CC2D2B: variants seen among roughly 807,000 people sequenced by gnomAD.
CC2D2B encodes coiled-coil and C2 domain containing 2B.
CC2D2B carries 128 observed loss-of-function variants against 161.2 expected under a neutral mutation model. The ratio of observed to expected loss-of-function variants is 0.79; its 90% confidence interval spans 0.69 to 0.92. CC2D2B has a LOEUF of 0.92. Ranked by LOEUF, CC2D2B falls within the 40% of genes least tolerant of loss-of-function variation. CC2D2B has a pLI of 0.00. For synonymous variants in CC2D2B, 391 were observed against 449.8 expected (o/e 0.87, Z 1.65); for missense variants, 1,173 against 1,375.1 (o/e 0.85, Z 2.32).
chr10:95,950,748 C>T (rs1019339089), intron 10 of CC2D2B, among the ~76,000 whole-genome samples: 2 of 152,134 alleles, frequency 1.3e-5, no homozygotes, highest in African/African-American at 4.8e-5. Context: ...GCCACAAAGC[C>T]GTCTCAATAA....
At chr10:96,029,970 C>A (rs1444654815) in intron 34 of CC2D2B, among the ~76,000 whole-genome samples, 1 of 151,868 alleles carries the variant, frequency 6.6e-6, no homozygotes, top group East Asian at 1.9e-4. Context: ...GCCACCATGC[C>A]TGGCTAATTT....
chr10:95,953,765 T>C (rs887393484), intron 10 of CC2D2B, among the ~76,000 whole-genome samples: 2 of 152,120 alleles, frequency 1.3e-5, no homozygotes, highest in Admixed American at 6.6e-5. Flanking sequence ...ACCCTAGCCT[T>C]TTCTGTCCTT....
At position 96,009,899 on chromosome 10, in the gene CC2D2B, T is replaced by C; in HGVS notation, c.3021T>C (p.Phe1007=). 6.2e-7 allele frequency: 1 copy of C among 1,607,296 alleles called. No homozygotes were observed. The highest frequency in any genetic ancestry group is 8.5e-7 in the Non-Finnish European group (1 of 1,174,712). ...GGCTTGGATGCATTGTCTTCCCTTT[T>C]TCTGCTCTTCTGCAACAATCTGAGG... is the stretch of plus-strand genomic sequence containing the variant. ...KNWLGCIVFP[F]SALLQQSEIS... is the part of the protein sequence containing the mutation. The change falls in exon 26 of 35, where the codon TTT becomes TTC. Residue 1007 remains phenylalanine (F), a synonymous_variant. Transcript: ENST00000646931.
chr10:95,912,350 A>G (rs555588550), intron 2 of CC2D2B, among the ~76,000 whole-genome samples: 2 of 152,328 alleles, frequency 1.3e-5, no homozygotes, highest in South Asian at 2.1e-4. Context: ...AACATACTGA[A>G]TTTTTGTTGA....
At chr10:96,029,690 A>G (rs191805424) in intron 34 of CC2D2B, among the ~76,000 whole-genome samples, 175 of 152,254 alleles carry the variant, frequency 1.1e-3, no homozygotes, top group African/African-American at 4.0e-3. Flanking sequence ...AGTCCCTTAT[A>G]TAAAATACCA....
chr10:96,015,383 C>T (rs2079152717), intron 29 of CC2D2B, among the ~76,000 whole-genome samples: 1 of 151,766 alleles, frequency 6.6e-6, no homozygotes, highest in African/African-American at 2.4e-5. Context: ...GGCCATACAC[C>T]TCATTTAAAT....
intron 6 of CC2D2B, among the ~76,000 whole-genome samples, chr10:95,930,178 A>G (rs184065581): frequency 1.3e-5 from 2 of 152,314 alleles, no homozygotes; most frequent in East Asian, 3.9e-4. Context: ...GAGTTCACTC[A>G]TGATTTGGCT....
At chr10:95,969,867 T>A (rs1285129621) in intron 15 of CC2D2B, among the ~76,000 whole-genome samples, 1 of 152,088 alleles carries the variant, frequency 6.6e-6, no homozygotes, top group East Asian at 1.9e-4. Context: ...GGTAAATGTG[T>A]ATTTTGAGTC....
chr10:96,010,140 G>A (rs2078923348), intron 26 of CC2D2B, among the ~76,000 whole-genome samples: 1 of 152,198 alleles, frequency 6.6e-6, no homozygotes, highest in Non-Finnish European at 1.5e-5. Flanking sequence ...AGGAAAACTA[G>A]TCTTAGGTCT....
intron 29 of CC2D2B, among the ~76,000 whole-genome samples, chr10:96,015,891 G>A (rs894345484): frequency 6.6e-6 from 1 of 152,084 alleles, no homozygotes; most frequent in African/African-American, 2.4e-5. Flanking sequence ...TGCTTGCCCA[G>A]GGCACTTTAA....
intron 24 of CC2D2B, among the ~76,000 whole-genome samples, chr10:96,003,021 AATATATAT>A (rs57187442): frequency 2.1e-5 from 3 of 140,708 alleles, no homozygotes; most frequent in Admixed American, 7.1e-5. Flanking sequence ...AAAATAAATA[AATATATAT>A]ATATATATAT....
At chr10:95,938,391 A>G (rs1487323568) in intron 7 of CC2D2B, 178 bp from the exon 8 acceptor site, 4 of 606,882 alleles carry the variant, frequency 6.6e-6, no homozygotes, top group East Asian at 2.8e-5. Context: ...ATATATAGGC[A>G]TATGTATTTA....
chr10:96,020,599 G>C (rs2079409158), intron 32 of CC2D2B: 3 of 152,168 alleles, frequency 2.0e-5, no homozygotes, highest in African/African-American at 7.2e-5. Context: ...GGAGACAGGA[G>C]CCCAGAGGGA....
At position 95,968,818 on chromosome 10, in the gene CC2D2B, C is replaced by T. The variant is rs2077027244; in HGVS notation, c.1561C>T (p.Pro521Ser). The T allele has an allele frequency of 2.5e-6, 3 of 1,205,500 alleles. No homozygotes were observed. The highest frequency in any genetic ancestry group is 3.1e-6 in the Non-Finnish European group (3 of 963,968). 74.7% of individuals were successfully genotyped at this position (1,205,500 alleles called of 1,614,324 possible). A position where few individuals can be genotyped will look rare whatever the true frequency, so the allele number is the denominator to read the frequency against. ...ACAGGTTTCTTGTACTTCAGTATCT[C>T]CCCTACAGTTTGATTTTAAAGTCAT... ...NKQVSCTSVS[P>S]LQFDFKVMFQ... Residue 521 changes from proline to serine, a missense_variant, in exon 15 of 35, where the codon CCC becomes TCC. By Grantham distance (74) the Pro-to-Ser change is moderately conservative (BLOSUM62 -1). Coordinates refer to ENST00000646931, the MANE Select transcript of CC2D2B (RefSeq NM_001349008.3).
intron 2 of CC2D2B, chr10:95,913,276 G>T: frequency 5.6e-6 from 1 of 178,182 alleles, no homozygotes; most frequent in Non-Finnish European, 1.2e-5. Flanking sequence ...CCAAGATGTT[G>T]CAAGTGATAG....
Position 95,996,319 on chromosome 10 carries a change from C to T in CC2D2B, c.2849+67C>T, listed in dbSNP as rs571035052. 1.1e-5 allele frequency: 8 copies of T among 727,412 alleles called. No homozygotes were observed. In the East Asian group the frequency reaches 1.9e-4, roughly 18 times the overall value. The allele number at this position is 727,412 out of a possible 1,614,324, so 45.1% of individuals were successfully genotyped here. A position where few individuals can be genotyped will look rare whatever the true frequency, so the allele number is the denominator to read the frequency against. On this transcript the variant is annotated intron_variant, in intron 24 of 34. Transcript: ENST00000646931. ...CAATAATAAAATTATTTTCTTGAGC[C>T]ACTTATTGAAAATAATTATTGAAAT...
At position 96,029,292 on chromosome 10, in the gene CC2D2B, A is replaced by ATATATATATATATGTATATC. The variant is rs1314364959; in HGVS notation, c.4125+1911_4125+1930dup. The stretch of plus-strand genomic sequence containing the variant: ...TATATATATATATATATATGTATAT[A>ATATATATATATATGTATATC]TATATATATATATGTATATCTATAT... On this transcript the variant is annotated intron_variant, in intron 34 of 34. Coordinates refer to ENST00000646931, the MANE Select transcript of CC2D2B (RefSeq NM_001349008.3). Among the ~76,000 whole-genome samples the ATATATATATATATGTATATC allele has an allele frequency of 1.6e-4, 17 of 103,516 alleles. 1 individual carries two copies. Among genetic ancestry groups the ATATATATATATATGTATATC allele is most frequent in the South Asian group, 3.1e-4 (1 of 3,206 alleles). The allele number at this position is 103,516 out of a possible 152,430, so 67.9% of individuals were successfully genotyped here.
chr10:95,959,580 A>G (rs1439744297), intron 11 of CC2D2B, among the ~76,000 whole-genome samples: 1 of 152,230 alleles, frequency 6.6e-6, no homozygotes, highest in Non-Finnish European at 1.5e-5. Context: ...AATTTCACTC[A>G]TGAGCATAGA....
intron 5 of CC2D2B, among the ~76,000 whole-genome samples, chr10:95,926,873 T>TGTGTGTGTGC (rs397766895): frequency 1.1e-3 from 168 of 150,250 alleles, no homozygotes; most frequent in African/African-American, 2.2e-3. Flanking sequence ...TGTGTGTGTG[T>TGTGTGTGTGC]GCGCGCGCCT....
Sources: gnomAD v4.1 joint callset for allele counts (sites outside exome capture counted in the v4.1 genomes callset) on GRCh38, gnomAD v4.1.1 for gene constraint, MANE v1.5 for transcripts, NCBI Gene and HGNC (gene_info 2026-07-23, HGNC 2026-07-21) for gene names.